MTMR14: variants seen among roughly 807,000 people sequenced by gnomAD.
MTMR14 encodes phosphatidylinositol-3,5-bisphosphate 3-phosphatase MTMR14.
Under a neutral mutation model 86.3 loss-of-function variants are expected in MTMR14, and 48 were observed. That is an observed-to-expected ratio of 0.56 (90% CI 0.44 to 0.71). MTMR14 has a LOEUF of 0.71. Ranked by LOEUF, MTMR14 falls within the 30% of genes least tolerant of loss-of-function variation. MTMR14 has a pLI of 0.00. For missense variants in MTMR14, 780 were observed against 834.6 expected, an observed-to-expected ratio of 0.93 and a Z score of 0.81; for synonymous variants, 366 against 326.1, an observed-to-expected ratio of 1.12 and a Z score of -1.32.
intron 3 of MTMR14, among the ~76,000 whole-genome samples, chr3:9,666,131 T>C (rs1334614881): frequency 2.0e-5 from 3 of 147,220 alleles, no homozygotes; most frequent in Non-Finnish European, 3.0e-5. Context: ...CAAAGTTTGT[T>C]GGTTTTTTTT....
Position 9,653,746 on chromosome 3 carries a change from G to C in MTMR14, c.285G>C (p.Glu95Asp), listed in dbSNP as rs756981582. ...YPRHIVFLEY[E>D]SSEKEKDTFE... ...GGCACATCGTGTTCCTGGAGTATGA[G>C]AGTTCTGAGAAGGAGAAAGACACGT... The change falls in exon 2 of 19, where the codon GAG becomes GAC. Residue 95 changes from glutamate (E) to aspartate (D), a missense_variant. Glu to Asp is a conservative substitution (Grantham distance 45). Coordinates refer to ENST00000296003, the MANE Select transcript of MTMR14 (RefSeq NM_001077525.3). 1.2e-6 allele frequency: 2 copies of C among 1,614,186 alleles called. No individual in the cohort carries two copies. Among genetic ancestry groups the C allele is most frequent in the Admixed American group, 3.3e-5 (2 of 60,020 alleles).
chr3:9,694,747 T>C (rs1249702225), intron 17 of MTMR14, among the ~76,000 whole-genome samples: 6 of 152,178 alleles, frequency 3.9e-5, no homozygotes, highest in Non-Finnish European at 8.8e-5. Flanking sequence ...CAGCTCGGTT[T>C]GTGTGAGTAT....
intron 2 of MTMR14, among the ~76,000 whole-genome samples, chr3:9,659,328 G>A (rs909811484): frequency 2.0e-5 from 3 of 152,074 alleles, no homozygotes; most frequent in African/African-American, 4.8e-5. Context: ...TCATCCCTTC[G>A]AATGTGAGTA....
rs1575042677 is a variant in MTMR14 at position 9,684,435 on chromosome 3, A to G, written c.965-150A>G. The G allele has an allele frequency of 5.2e-6, 4 of 766,464 alleles. No homozygotes were observed. The East Asian group carries it at 7.5e-5, about 14-fold the overall frequency. 47.5% of individuals were successfully genotyped at this position (766,464 alleles called of 1,614,324 possible). A position where few individuals can be genotyped will look rare whatever the true frequency, so the allele number is the denominator to read the frequency against. On this transcript the variant is annotated intron_variant, in intron 10 of 18. Transcript: ENST00000296003. Reference sequence around the variant, plus strand: ...CTGCCACTCACCCCTTTCTGGGACTAGGCTGGAGAAGAGCCATGGGGAGGC... The same window carrying G: ...CTGCCACTCACCCCTTTCTGGGACTGGGCTGGAGAAGAGCCATGGGGAGGC...
intron 18 of MTMR14, among the ~76,000 whole-genome samples, chr3:9,698,826 C>CA (rs369352021): frequency 1.5e-4 from 23 of 152,140 alleles, no homozygotes; most frequent in Middle Eastern, 3.4e-3. Context: ...CCTCTGCAGC[C>CA]AGCCCCTAGG....
At chr3:9,668,921 C>T (rs1177199166) in intron 4 of MTMR14, 127 bp downstream of exon 4, 13 of 962,404 alleles carry the variant, frequency 1.4e-5, no homozygotes, top group East Asian at 1.2e-4. Flanking sequence ...GAGCGGATCC[C>T]GAGGTCAGGA....
At chr3:9,652,573 C>G (rs1189567720) in intron 1 of MTMR14, among the ~76,000 whole-genome samples, 1 of 152,020 alleles carries the variant, frequency 6.6e-6, no homozygotes. Context: ...GAAACATGAA[C>G]CCCATCTCTA....
chr3:9,694,978 C>T (rs763893948), intron 17 of MTMR14, among the ~76,000 whole-genome samples: 26 of 152,172 alleles, frequency 1.7e-4, no homozygotes, highest in African/African-American at 6.3e-4. Context: ...ACCTCTGAAG[C>T]GTTGTTCAGC....
chr3:9,655,083 A>T (rs1479726710), intron 2 of MTMR14, among the ~76,000 whole-genome samples: 2 of 152,094 alleles, frequency 1.3e-5, no homozygotes, highest in Non-Finnish European at 2.9e-5. Flanking sequence ...ACTTACTAAG[A>T]TTATGGATTC....
At chr3:9,664,946 A>T (rs1320823564) in intron 3 of MTMR14, among the ~76,000 whole-genome samples, 1 of 152,168 alleles carries the variant, frequency 6.6e-6, no homozygotes, top group East Asian at 1.9e-4. Flanking sequence ...GAGGTGATGG[A>T]TACCGCATTT....
intron 3 of MTMR14, 76 bp from the exon 4 acceptor site, chr3:9,668,643 A>C: frequency 1.4e-6 from 2 of 1,479,982 alleles, no homozygotes; most frequent in Non-Finnish European, 1.9e-6. Flanking sequence ...GAAGAGTCAG[A>C]GGAGTCCCAC....
chr3:9,663,449 C>T (rs911207312), intron 3 of MTMR14, among the ~76,000 whole-genome samples: 5 of 141,216 alleles, frequency 3.5e-5, no homozygotes, highest in Non-Finnish European at 7.6e-5. Flanking sequence ...GGAAAGTTTT[C>T]ATGTTCCCGA....
intron 9 of MTMR14, among the ~76,000 whole-genome samples, chr3:9,680,815 C>T (rs372872644): frequency 2.1e-4 from 32 of 152,236 alleles, no homozygotes; most frequent in Admixed American, 6.5e-4. Flanking sequence ...CCAGCCTGGG[C>T]GACAGAGCGA....
chr3:9,660,688 GATA>G (rs1380360004), intron 2 of MTMR14, among the ~76,000 whole-genome samples: 1 of 152,210 alleles, frequency 6.6e-6, no homozygotes, highest in Non-Finnish European at 1.5e-5. Flanking sequence ...TTCCTTCTGG[GATA>G]ATATTTGGGT....
chr3:9,650,342 G>A, intron 1 of MTMR14: 1 of 456,656 alleles, frequency 2.2e-6, no homozygotes, highest in Admixed American at 2.3e-5. Flanking sequence ...CTTATCGCCA[G>A]ACCTGGAGGG....
At chr3:9,670,926 C>G in intron 5 of MTMR14, 122 bp from the exon 6 acceptor site, 1 of 1,321,924 alleles carries the variant, frequency 7.6e-7, no homozygotes, top group Non-Finnish European at 1.1e-6. Flanking sequence ...CATGCGTCCA[C>G]CTAGCACACG....
At chr3:9,699,850 A>T (rs549610300) in intron 18 of MTMR14, 14 of 152,200 alleles carry the variant, frequency 9.2e-5, no homozygotes, top group African/African-American at 3.4e-4. Context: ...CTCGTATGCT[A>T]TAAGGAGAAG....
intron 9 of MTMR14, among the ~76,000 whole-genome samples, chr3:9,682,830 C>T (rs1373014697): frequency 6.6e-6 from 1 of 152,214 alleles, no homozygotes; most frequent in Non-Finnish European, 1.5e-5. Context: ...TGGACAGCCA[C>T]ACCAGGAGCC....
chr3:9,683,260 C>T lies in MTMR14; in HGVS notation c.964+16C>T, dbSNP rs1250068683. 6 of 1,613,286 alleles carry T rather than the reference C, an allele frequency of 3.7e-6. No individual in the cohort carries two copies. The Admixed American group carries it at 8.3e-5, about 22-fold the overall frequency. On this transcript the variant is annotated intron_variant, in intron 10 of 18. Coordinates refer to ENST00000296003, the MANE Select transcript of MTMR14 (RefSeq NM_001077525.3). ...AACAGTGATGGTGAGTCTGTCTCCTCCAGAGCCCTCGAGCCACTGCACCCT... is the reference window on the plus strand; with the variant it reads ...AACAGTGATGGTGAGTCTGTCTCCTTCAGAGCCCTCGAGCCACTGCACCCT...
Sources: gnomAD v4.1 joint callset for allele counts (sites outside exome capture counted in the v4.1 genomes callset) on GRCh38, gnomAD v4.1.1 for gene constraint, MANE v1.5 for transcripts, NCBI Gene and HGNC (gene_info 2026-07-23, HGNC 2026-07-21) for gene names.